MGAM: variants seen among roughly 807,000 people sequenced by gnomAD.
MGAM encodes maltase-glucoamylase.
MGAM carries 253 observed loss-of-function variants against 358.8 expected under a neutral mutation model. The observed-to-expected ratio is 0.71, with a 90% CI of 0.64 to 0.78. The LOEUF (loss-of-function observed/expected upper bound fraction) is 0.78. MGAM is among the 30% of genes least tolerant of loss of function. The probability of loss-of-function intolerance (pLI) is 0.00; values close to 1 mark genes in which losing one functional copy is unlikely to be tolerated. For missense variants in MGAM, 3,080 were observed against 3,432.6 expected (o/e 0.90, Z 2.57); for synonymous variants, 1,105 against 1,227.1 (o/e 0.90, Z 2.08).
At chr7:142,015,416 C>T (rs782321068) in intron 3 of MGAM, among the ~76,000 whole-genome samples, 3 of 151,908 alleles carry the variant, frequency 2.0e-5, no homozygotes, top group Non-Finnish European at 2.9e-5. Flanking sequence ...GTTTTGATAA[C>T]TATGTATTCC....
chr7:142,078,145 C>T (rs1179943404), intron 47 of MGAM, among the ~76,000 whole-genome samples, 173 bp from the exon 48 acceptor site: 3 of 146,040 alleles, frequency 2.1e-5, no homozygotes, highest in African/African-American at 7.3e-5. Context: ...TAAATAGATT[C>T]CCCCACTGTA....
intron 21 of MGAM, among the ~76,000 whole-genome samples, chr7:142,044,658 T>A (rs1227188696): frequency 0.075 from 4,296 of 57,212 alleles, 30 homozygotes; most frequent in Non-Finnish European, 0.097. Context: ...ATATATAATG[T>A]ATATTATATA....
chr7:142,088,179 C>T (rs1360586999), intron 57 of MGAM, among the ~76,000 whole-genome samples: 1 of 146,234 alleles, frequency 6.8e-6, no homozygotes, highest in Non-Finnish European at 1.5e-5. Context: ...CTCTGGCCTC[C>T]TGGATCCCAG....
At chr7:142,027,971 G>A (rs1807127699) in intron 10 of MGAM, among the ~76,000 whole-genome samples, 1 of 152,002 alleles carries the variant, frequency 6.6e-6, no homozygotes, top group African/African-American at 2.4e-5. Flanking sequence ...TGTGTTGGGA[G>A]GCAATCTGTT....
At chr7:142,050,410 G>T (rs1810832422) in intron 23 of MGAM, 126 bp downstream of exon 23, 6 of 1,158,336 alleles carry the variant, frequency 5.2e-6, no homozygotes, top group Admixed American at 1.7e-5. Context: ...GGCTATAGGT[G>T]AGTACATTTC....
chr7:142,069,424 G>A (rs1813142946), intron 43 of MGAM, among the ~76,000 whole-genome samples: 2 of 145,792 alleles, frequency 1.4e-5, no homozygotes, highest in South Asian at 4.4e-4. Flanking sequence ...GATTCTTGGG[G>A]AAGAATCAAA....
intron 19 of MGAM, among the ~76,000 whole-genome samples, chr7:142,039,731 T>C (rs1808339617): frequency 6.6e-6 from 1 of 152,148 alleles, no homozygotes; most frequent in Non-Finnish European, 1.5e-5. Flanking sequence ...TCTGCCACTT[T>C]GAGCCTGTGT....
intron 30 of MGAM, among the ~76,000 whole-genome samples, chr7:142,057,703 A>G (rs1453739257): frequency 2.0e-5 from 3 of 152,070 alleles, no homozygotes; most frequent in African/African-American, 4.8e-5. Context: ...GGCAGCAACA[A>G]CAGACACTTA....
At position 142,080,721 on chromosome 7, in the gene MGAM, A is replaced by G. The variant is rs943072906; in HGVS notation, c.5848-70A>G. 101 of 1,343,270 alleles carry G rather than the reference A, an allele frequency of 7.5e-5. 12 individuals carry two copies. Among genetic ancestry groups the G allele is most frequent in the Admixed American group, 1.4e-4 (6 of 42,042 alleles). The allele number at this position is 1,343,270 out of a possible 1,614,324, so 83.2% of individuals were successfully genotyped here. A position where few individuals can be genotyped will look rare whatever the true frequency, so the allele number is the denominator to read the frequency against. Reference sequence around the variant, plus strand: ...CATCTGAACTTTTGTCCAAAAATCAAAAAGGTTCTGCTAAGGGTATAGGTT... The same window carrying G: ...CATCTGAACTTTTGTCCAAAAATCAGAAAGGTTCTGCTAAGGGTATAGGTT... On this transcript the variant is annotated intron_variant, in intron 49 of 70. Transcript: ENST00000475668.
At position 142,019,333 on chromosome 7, in the gene MGAM, T is replaced by A. The variant is rs367663629; in HGVS notation, c.448+14T>A. ...ACACAAATGCAGGTAAGCCAGAGTCTGCCATGATGCAGGAGGTCCAGACCC... is the reference window on the plus strand; with the variant it reads ...ACACAAATGCAGGTAAGCCAGAGTCAGCCATGATGCAGGAGGTCCAGACCC... On this transcript the variant is annotated intron_variant, in intron 4 of 70. Coordinates refer to ENST00000475668, the MANE Select transcript of MGAM (RefSeq NM_001365693.1). 2.5e-4 allele frequency: 405 copies of A among 1,610,422 alleles called. No individual in the cohort carries two copies. The highest frequency in any genetic ancestry group is 3.3e-4 in the Non-Finnish European group (390 of 1,179,288).
rs782793080 is a variant in MGAM, at chr7:142,027,134, G to A, written c.1002G>A (p.Ala334=). Residue 334 remains alanine, a synonymous_variant, in exon 9 of 71, where the codon GCG becomes GCA. Coordinates refer to ENST00000475668, the MANE Select transcript of MGAM (RefSeq NM_001365693.1). The part of the protein sequence containing the change: ...SNAMEVVLQP[A]PAITYRTIGG... Reference sequence around the variant, plus strand: ...TTCAAGAGGTTGTCCTTCAGCCTGCGCCAGCCATCACTTACCGCACCATTG... The same window carrying A: ...TTCAAGAGGTTGTCCTTCAGCCTGCACCAGCCATCACTTACCGCACCATTG... The A allele has an allele frequency of 4.0e-5, 65 of 1,612,772 alleles. No homozygotes were observed. Among genetic ancestry groups the A allele is most frequent in the Admixed American group, 8.3e-5 (5 of 59,964 alleles).
intron 68 of MGAM, 132 bp downstream of exon 68, chr7:142,101,022 G>T: frequency 1.2e-6 from 1 of 816,564 alleles, no homozygotes; most frequent in Non-Finnish European, 1.9e-6. Flanking sequence ...GTTAATTCAA[G>T]GGTATAATCC....
At chr7:142,097,488 T>C in intron 65 of MGAM, 105 bp from the exon 66 acceptor site, 3 of 1,126,278 alleles carry the variant, frequency 2.7e-6, no homozygotes, top group Non-Finnish European at 4.0e-6. Context: ...ATGAGGCAAG[T>C]GGGCCCAAGG....
chr7:141,993,790 C>A (rs543893346), upstream of MGAM, among the ~76,000 whole-genome samples: 1 of 152,288 alleles, frequency 6.6e-6, no homozygotes, highest in East Asian at 1.9e-4. Context: ...TTAAAACAAT[C>A]TCAAGATATT....
chr7:142,050,040 C>T (rs972838537), intron 22 of MGAM, among the ~76,000 whole-genome samples, 195 bp from the exon 23 acceptor site: 3 of 152,096 alleles, frequency 2.0e-5, no homozygotes, highest in Non-Finnish European at 4.4e-5. Context: ...GATATAGAAA[C>T]AATCTAATTA....
chr7:141,998,025 C>A (rs781794659), intron 1 of MGAM, among the ~76,000 whole-genome samples: 1 of 152,128 alleles, frequency 6.6e-6, no homozygotes, highest in African/African-American at 2.4e-5. Flanking sequence ...ACACATCAAA[C>A]GCTGGCTATA....
chr7:142,106,074 G>A lies in MGAM; in HGVS notation c.*183G>A, dbSNP rs1816838573. On this transcript the variant is annotated 3_prime_UTR_variant, in exon 71 of 71. Coordinates refer to ENST00000475668, the MANE Select transcript of MGAM (RefSeq NM_001365693.1). ...GTTAAACCTTAGCCCTGTGGGATAGGCAGTTAGGGAGGTGTGGAAAATCTA... is the reference window on the plus strand; with the variant it reads ...GTTAAACCTTAGCCCTGTGGGATAGACAGTTAGGGAGGTGTGGAAAATCTA... 1 of 519,260 alleles carries A rather than the reference G, an allele frequency of 1.9e-6. No individual in the cohort carries two copies. Among genetic ancestry groups the A allele is most frequent in the Non-Finnish European group, 3.5e-6 (1 of 286,748 alleles). The allele number at this position is 519,260 out of a possible 1,614,324, so 32.2% of individuals were successfully genotyped here. A position where few individuals can be genotyped will look rare whatever the true frequency, so the allele number is the denominator to read the frequency against.
intron 68 of MGAM, among the ~76,000 whole-genome samples, chr7:142,101,992 C>T (rs1018762657): frequency 8.0e-5 from 12 of 150,734 alleles, no homozygotes; most frequent in South Asian, 2.1e-4. Flanking sequence ...GTGACAGCCA[C>T]GAGGGCAGGG....
chr7:142,104,371 T>C (rs2129068631), intron 70 of MGAM, among the ~76,000 whole-genome samples: 1 of 152,338 alleles, frequency 6.6e-6, no homozygotes, highest in East Asian at 1.9e-4. Context: ...AATTGTACTA[T>C]TTAAATTCAT....
Sources: gnomAD v4.1 joint callset for allele counts (sites outside exome capture counted in the v4.1 genomes callset) on GRCh38, gnomAD v4.1.1 for gene constraint, MANE v1.5 for transcripts, NCBI Gene and HGNC (gene_info 2026-07-23, HGNC 2026-07-21) for gene names.